Variants in EYA4 observed in about 807,000 individuals in gnomAD.
EYA4 encodes protein phosphatase EYA4.
A neutral mutation model predicts 87.9 loss-of-function variants in EYA4; 31 were observed. That is an observed-to-expected ratio of 0.35 (90% confidence interval 0.27 to 0.48). The LOEUF (loss-of-function observed/expected upper bound fraction) is 0.48. EYA4 is among the 20% of genes least tolerant of loss of function. The pLI is 0.99. For missense variants in EYA4, 678 were observed against 761.4 expected (o/e 0.89, Z 1.29); for synonymous variants, 263 against 270.6 (o/e 0.97, Z 0.28).
chr6:133,383,545 A>AAAAAAAAAAAAC (rs1312860441), intron 3 of EYA4, among the ~76,000 whole-genome samples: 1 of 149,506 alleles, frequency 6.7e-6, no homozygotes, highest in Non-Finnish European at 1.5e-5. Flanking sequence ...AAAAAAAAAA[A>AAAAAAAAAAAAC]TGTAATGGCC....
chr6:133,391,500 C>G (rs1787294481), intron 3 of EYA4, among the ~76,000 whole-genome samples: 1 of 152,184 alleles, frequency 6.6e-6, no homozygotes, highest in East Asian at 1.9e-4. Flanking sequence ...CTTTGCTTCA[C>G]CGTTCTGTGT....
chr6:133,283,218 C>A (rs1438000194), intron 2 of EYA4, among the ~76,000 whole-genome samples: 1 of 151,892 alleles, frequency 6.6e-6, no homozygotes, highest in African/African-American at 2.4e-5. Flanking sequence ...TGCTTGAACC[C>A]GGGAAGCGGA....
intron 1 of EYA4, among the ~76,000 whole-genome samples, chr6:133,249,691 C>A (rs974695230): frequency 2.0e-5 from 3 of 152,192 alleles, no homozygotes; most frequent in Non-Finnish European, 1.5e-5. Flanking sequence ...GAAAACATCG[C>A]CCCTCTCCCC....
intron 13 of EYA4, among the ~76,000 whole-genome samples, chr6:133,494,386 A>G (rs73544999): frequency 0.094 from 14,349 of 152,158 alleles, 1,341 homozygotes; most frequent in African/African-American, 0.22. Flanking sequence ...AGAGTAGAAC[A>G]ATGGTTACTA....
intron 3 of EYA4, among the ~76,000 whole-genome samples, chr6:133,398,916 G>A (rs1370274722): frequency 6.6e-6 from 1 of 152,158 alleles, no homozygotes; most frequent in Non-Finnish European, 1.5e-5. Flanking sequence ...GTTGCAGGAG[G>A]GTTGGATTTG....
chr6:133,416,958 C>T (rs558732807), intron 3 of EYA4, among the ~76,000 whole-genome samples: 33 of 152,118 alleles, frequency 2.2e-4, no homozygotes, highest in Non-Finnish European at 3.8e-4. Flanking sequence ...GGGTGTATGC[C>T]GAACACCTAC....
chr6:133,523,792 A>G (rs1800394529), intron 18 of EYA4, among the ~76,000 whole-genome samples: 1 of 152,066 alleles, frequency 6.6e-6, no homozygotes, highest in African/African-American at 2.4e-5. Flanking sequence ...TAAACATTCA[A>G]AAGCAAAACT....
intron 1 of EYA4, chr6:133,248,605 G>C (rs574748354): frequency 5.3e-5 from 8 of 152,200 alleles, no homozygotes; most frequent in Non-Finnish European, 1.2e-4. Flanking sequence ...AATGTTTTCA[G>C]TATGTTGAAA....
chr6:133,413,866 CTCTT>C (rs1415539271), intron 3 of EYA4, among the ~76,000 whole-genome samples: 1 of 152,166 alleles, frequency 6.6e-6, no homozygotes. Flanking sequence ...AAAGATTCTC[CTCTT>C]TCTTTTCTTC....
rs146672304 is a variant in EYA4, at chr6:133,506,510, C to T, written c.1281+315C>T. Among the ~76,000 whole-genome samples the T allele has an allele frequency of 1.3e-3, 203 of 152,254 alleles. 2 individuals carry two copies. Among genetic ancestry groups the T allele is most frequent in the African/African-American group, 4.1e-3 (172 of 41,568 alleles). On this transcript the variant is annotated intron_variant, in intron 14 of 19. Coordinates refer to ENST00000355286, the MANE Select transcript of EYA4 (RefSeq NM_004100.5). ...CATTAGCTCTTCCAGATTATTAACC[C>T]GGAACCTATCTAGGTTAATCACTAA...
At chr6:133,475,963 G>A (rs906867853) in intron 11 of EYA4, among the ~76,000 whole-genome samples, 2 of 152,024 alleles carry the variant, frequency 1.3e-5, no homozygotes, top group Non-Finnish European at 2.9e-5. Context: ...TGAATTCTTT[G>A]GCCCTCCATC....
At chr6:133,365,941 G>A (rs916689288) in intron 2 of EYA4, among the ~76,000 whole-genome samples, 1 of 152,098 alleles carries the variant, frequency 6.6e-6, no homozygotes, top group Non-Finnish European at 1.5e-5. Flanking sequence ...CCAGAGCATC[G>A]GAATACAGAA....
intron 3 of EYA4, among the ~76,000 whole-genome samples, chr6:133,424,513 C>T (rs1420119924): frequency 2.0e-5 from 3 of 152,046 alleles, no homozygotes; most frequent in Non-Finnish European, 4.4e-5. Flanking sequence ...GCAAACACCC[C>T]CCCCCCAGCC....
chr6:133,286,311 G>A (rs1778058422), intron 2 of EYA4, among the ~76,000 whole-genome samples: 1 of 152,222 alleles, frequency 6.6e-6, no homozygotes, highest in Non-Finnish European at 1.5e-5. Context: ...TGCATCAGAT[G>A]TAACCATTGG....
At chr6:133,334,911 C>G (rs1177572548) in intron 2 of EYA4, among the ~76,000 whole-genome samples, 1 of 152,146 alleles carries the variant, frequency 6.6e-6, no homozygotes, top group Admixed American at 6.5e-5. Flanking sequence ...CTACATATAG[C>G]TACAAATAGC....
intron 2 of EYA4, among the ~76,000 whole-genome samples, chr6:133,304,353 C>G (rs540593640): frequency 7.2e-5 from 11 of 152,194 alleles, no homozygotes; most frequent in African/African-American, 2.6e-4. Context: ...GAGGAGGGCA[C>G]CCCACTCTGT....
chr6:133,330,596 C>T (rs1344135598), intron 2 of EYA4, among the ~76,000 whole-genome samples: 1 of 146,686 alleles, frequency 6.8e-6, no homozygotes, highest in Non-Finnish European at 1.5e-5. Flanking sequence ...CACACACATA[C>T]TTTTTTGGGG....
intron 2 of EYA4, among the ~76,000 whole-genome samples, chr6:133,287,281 G>A (rs1778139221): frequency 1.3e-5 from 2 of 152,186 alleles, no homozygotes; most frequent in Admixed American, 1.3e-4. Flanking sequence ...CATGGAAAAT[G>A]TGTTCAATAA....
intron 3 of EYA4, among the ~76,000 whole-genome samples, chr6:133,442,553 G>C (rs1562425911): frequency 6.6e-6 from 1 of 152,064 alleles, no homozygotes; most frequent in African/African-American, 2.4e-5. Context: ...TCACTCATTA[G>C]TTCTAGTAGT....
Sources: gnomAD v4.1 joint callset for allele counts (sites outside exome capture counted in the v4.1 genomes callset) on GRCh38, gnomAD v4.1.1 for gene constraint, MANE v1.5 for transcripts, NCBI Gene and HGNC (gene_info 2026-07-23, HGNC 2026-07-21) for gene names.